Variants in WDPCP observed in about 807,000 individuals in gnomAD.
WDPCP encodes the protein WD repeat-containing and planar cell polarity effector protein fritz homolog.
Under a neutral mutation model 93.1 loss-of-function variants are expected in WDPCP, and 71 were observed. That is an observed-to-expected ratio of 0.76 (90% CI 0.63 to 0.93). WDPCP has a LOEUF of 0.93. Ranked by LOEUF, WDPCP falls within the 40% of genes least tolerant of loss-of-function variation. WDPCP has a pLI of 0.00. For synonymous variants in WDPCP, 315 were observed against 315.0 expected (o/e 1.00, Z 0.00); for missense variants, 844 against 887.4 (o/e 0.95, Z 0.62).
At chr2:63,443,810 A>G (rs1012287832) in intron 6 of WDPCP, among the ~76,000 whole-genome samples, 1 of 152,214 alleles carries the variant, frequency 6.6e-6, no homozygotes, top group African/African-American at 2.4e-5. Context: ...AGTATCTACT[A>G]GCACTTGCTG....
At chr2:63,478,756 A>T (rs577431578) in intron 6 of WDPCP, among the ~76,000 whole-genome samples, 5 of 152,184 alleles carry the variant, frequency 3.3e-5, no homozygotes, top group African/African-American at 1.2e-4. Context: ...CTCAGGTCAC[A>T]CCTCAAGGAA....
At chr2:63,824,252 T>C (rs1307452935) in intron 1 of WDPCP, among the ~76,000 whole-genome samples, 1 of 152,076 alleles carries the variant, frequency 6.6e-6, no homozygotes, top group Non-Finnish European at 1.5e-5. Flanking sequence ...TCTTCTACCA[T>C]GATTTTAAGT....
At chr2:63,742,292 AG>A (rs1669736175) in intron 2 of WDPCP, among the ~76,000 whole-genome samples, 1 of 152,080 alleles carries the variant, frequency 6.6e-6, no homozygotes, top group African/African-American at 2.4e-5. Context: ...AGAGGGAGGA[AG>A]GAAGGGAGAA....
intron 3 of WDPCP, among the ~76,000 whole-genome samples, chr2:63,602,934 CTTTTTTTTTT>C (rs370479356): frequency 1.5e-5 from 2 of 131,616 alleles, no homozygotes; most frequent in African/African-American, 5.4e-5. Context: ...TTTAACCGTT[CTTTTTTTTTT>C]TTTTTTTTTT....
At chr2:63,431,476 T>C (rs1696756150) in intron 9 of WDPCP, among the ~76,000 whole-genome samples, 1 of 152,090 alleles carries the variant, frequency 6.6e-6, no homozygotes, top group Non-Finnish European at 1.5e-5. Context: ...TTTCTTTTTT[T>C]AGTTTGAATT....
intron 14 of WDPCP, among the ~76,000 whole-genome samples, chr2:63,190,313 C>T (rs1161859346): frequency 1.3e-5 from 2 of 151,540 alleles, no homozygotes; most frequent in East Asian, 3.9e-4. Context: ...GACACATGTA[C>T]TCCCAGCTAC....
At chr2:63,781,170 C>A (rs556094601) in intron 2 of WDPCP, among the ~76,000 whole-genome samples, 55 of 152,314 alleles carry the variant, frequency 3.6e-4, no homozygotes, top group African/African-American at 1.2e-3. Context: ...ACCATAAGAT[C>A]TTGCTGTTTA....
In WDPCP at chr2:63,492,956, T is replaced by C. The variant is rs763153062; in HGVS notation, c.76-16A>G. ...AATCTCTATCCTGTTTAAAAAATAA[T>C]TAAAAAGAGGTGCCAATTAATTATC... On this transcript the variant is annotated splice_polypyrimidine_tract_variant and intron_variant, in intron 1 of 17. Coordinates refer to ENST00000272321, the MANE Select transcript of WDPCP (RefSeq NM_015910.7). The C allele has an allele frequency of 1.9e-6, 3 of 1,608,574 alleles. No individual in the cohort carries two copies. The highest frequency in any genetic ancestry group is 2.2e-5 in the East Asian group (1 of 44,740).
chr2:63,589,079 T>C (rs1345677930), upstream of WDPCP: 1 of 1,614,160 alleles, frequency 6.2e-7, no homozygotes, highest in Non-Finnish European at 8.5e-7. Context: ...TGCCCACCTC[T>C]GGCCCTCGCG....
intron 6 of WDPCP, among the ~76,000 whole-genome samples, chr2:63,472,733 T>C (rs1255990480): frequency 6.6e-6 from 1 of 152,166 alleles, no homozygotes; most frequent in East Asian, 1.9e-4. Flanking sequence ...CTAATTTTTG[T>C]ATTTTTAGTA....
chr2:63,494,542 G>T (rs1366427158), intron 1 of WDPCP, among the ~76,000 whole-genome samples: 1 of 152,136 alleles, frequency 6.6e-6, no homozygotes, highest in Non-Finnish European at 1.5e-5. Context: ...ACTAGCTCCG[G>T]AGTCTGTTTG....
chr2:63,487,370 G>C (rs977888054), intron 3 of WDPCP, 77 bp downstream of exon 3: 3 of 1,048,168 alleles, frequency 2.9e-6, no homozygotes, highest in Non-Finnish European at 4.3e-6. Context: ...CATGAGAAGA[G>C]AGCTTTTAAT....
chr2:63,751,262 CTTA>C (rs1351072160), intron 2 of WDPCP, among the ~76,000 whole-genome samples: 10 of 151,946 alleles, frequency 6.6e-5, no homozygotes, highest in Non-Finnish European at 1.3e-4. Flanking sequence ...GTAATGGTAT[CTTA>C]TTATCCTTTT....
intron 13 of WDPCP, among the ~76,000 whole-genome samples, chr2:63,298,876 T>G (rs1489502683): frequency 6.6e-6 from 1 of 152,218 alleles, no homozygotes; most frequent in East Asian, 1.9e-4. Flanking sequence ...ACTATATCTT[T>G]ATATCATAGT....
chr2:63,465,096 CT>C (rs1699259331), intron 6 of WDPCP, among the ~76,000 whole-genome samples: 1 of 151,688 alleles, frequency 6.6e-6, no homozygotes, highest in African/African-American at 2.4e-5. Context: ...GAAAAAAAAG[CT>C]GACTGGGAAG....
chr2:63,694,591 T>C (rs1029808914), intron 2 of WDPCP, among the ~76,000 whole-genome samples: 4 of 152,096 alleles, frequency 2.6e-5, no homozygotes, highest in Non-Finnish European at 4.4e-5. Flanking sequence ...ATACTGAAAA[T>C]GTATCAAAGC....
At chr2:63,214,206 T>C (rs886549751) in intron 14 of WDPCP, among the ~76,000 whole-genome samples, 6 of 152,168 alleles carry the variant, frequency 3.9e-5, no homozygotes, top group Non-Finnish European at 7.4e-5. Flanking sequence ...TGATGAACAT[T>C]GATGCAAAAA....
chr2:63,199,780 C>T (rs1675757728), intron 14 of WDPCP, among the ~76,000 whole-genome samples: 1 of 152,192 alleles, frequency 6.6e-6, no homozygotes, highest in Non-Finnish European at 1.5e-5. Flanking sequence ...GGGGCACTGC[C>T]TAGTGGAGCT....
intron 1 of WDPCP, among the ~76,000 whole-genome samples, chr2:63,567,424 T>C (rs1047920258): frequency 6.6e-6 from 1 of 152,124 alleles, no homozygotes; most frequent in Non-Finnish European, 1.5e-5. Context: ...AAGTATATAT[T>C]TCATTTCCCA....
Sources: gnomAD v4.1 joint callset for allele counts (sites outside exome capture counted in the v4.1 genomes callset) on GRCh38, gnomAD v4.1.1 for gene constraint, MANE v1.5 for transcripts, NCBI Gene and HGNC (gene_info 2026-07-23, HGNC 2026-07-21) for gene names.